KIF13A: variants seen among roughly 807,000 people sequenced by gnomAD.
KIF13A encodes the protein kinesin family member 13A, also known as kinesin-like protein KIF13A.
A neutral mutation model predicts 212.2 loss-of-function variants in KIF13A; 79 were observed. The observed-to-expected ratio is 0.37, with a 90% confidence interval of 0.31 to 0.45. KIF13A has a LOEUF of 0.45. KIF13A is among the 20% of genes least tolerant of loss of function. KIF13A has a pLI of 1.00. For synonymous variants in KIF13A, 789 were observed against 808.6 expected (o/e 0.98, Z 0.41); for missense variants, 1,901 against 2,209.0 (o/e 0.86, Z 2.79).
chr6:17,904,823 C>T (rs957454890), intron 2 of KIF13A, among the ~76,000 whole-genome samples: 2 of 152,336 alleles, frequency 1.3e-5, no homozygotes, highest in Admixed American at 6.5e-5. Context: ...TCTTCTGAAC[C>T]AGAAATTTCT....
Position 17,874,306 on chromosome 6 carries a change from G to T in KIF13A, c.160-869C>A, listed in dbSNP as rs200022541. ...TTGTTTTTTGGTGGTGGTGGGGGGGGTTCTTACTGTATTTTTAATATACAA... is the reference window on the plus strand; with the variant it reads ...TTGTTTTTTGGTGGTGGTGGGGGGGTTTCTTACTGTATTTTTAATATACAA... On this transcript the variant is annotated intron_variant, in intron 3 of 38. Coordinates refer to ENST00000259711, the MANE Select transcript of KIF13A (RefSeq NM_022113.6). Among the ~76,000 whole-genome samples the T allele has an allele frequency of 1.1e-3, 157 of 142,704 alleles. 3 individuals carry two copies. Among genetic ancestry groups the T allele is most frequent in the Non-Finnish European group, 2.1e-4 (14 of 65,426 alleles). 93.6% of individuals were successfully genotyped at this position (142,704 alleles called of 152,430 possible). A position where few individuals can be genotyped will look rare whatever the true frequency, so the allele number is the denominator to read the frequency against.
rs1034979175 is a variant in KIF13A, at chr6:17,918,655, G to A, written c.147-20475C>T. ...CTACAGGTAAGAGAAGTATCACTTGGAATTGAAAGCACTCCCATCCCCAGG... is the reference window on the plus strand; with the variant it reads ...CTACAGGTAAGAGAAGTATCACTTGAAATTGAAAGCACTCCCATCCCCAGG... On this transcript the variant is annotated intron_variant, in intron 2 of 38. Transcript: ENST00000259711. The surrounding 1 kb of genome is among the most constrained non-coding windows in gnomAD (Gnocchi z 4.8). Among the ~76,000 whole-genome samples, 1 of 152,062 alleles carries A rather than the reference G, an allele frequency of 6.6e-6. No individual in the cohort carries two copies. The highest frequency in any genetic ancestry group is 1.5e-5 in the Non-Finnish European group (1 of 67,994).
At position 17,800,182 on chromosome 6, in the gene KIF13A, C is replaced by T. The variant is rs926606800; in HGVS notation, c.2455-69G>A. 12 of 1,474,064 alleles carry T rather than the reference C, an allele frequency of 8.1e-6. No homozygotes were observed. The South Asian group carries it at 1.3e-4, about 16-fold the overall frequency. 91.3% of individuals were successfully genotyped at this position (1,474,064 alleles called of 1,614,324 possible). A position where few individuals can be genotyped will look rare whatever the true frequency, so the allele number is the denominator to read the frequency against. ...GTGGGCAACCTCGACCCAAGACAGA[C>T]GTGCCTTCTACAGTGAACCTGGAGA... On this transcript the variant is annotated intron_variant, in intron 20 of 38. Coordinates refer to ENST00000259711, the MANE Select transcript of KIF13A (RefSeq NM_022113.6).
intron 2 of KIF13A, among the ~76,000 whole-genome samples, chr6:17,903,696 A>T (rs1380452002): frequency 6.6e-6 from 1 of 152,234 alleles, no homozygotes; most frequent in Non-Finnish European, 1.5e-5. Flanking sequence ...CTTCAAAGAC[A>T]GGGAAGACTG....
At chr6:17,878,893 T>C (rs1770810212) in intron 3 of KIF13A, among the ~76,000 whole-genome samples, 1 of 152,202 alleles carries the variant, frequency 6.6e-6, no homozygotes, top group Admixed American at 6.5e-5. Flanking sequence ...GTTCTTTGCT[T>C]GCCAAAGAGC....
At chr6:17,841,948 TACAC>T (rs56160237) in intron 9 of KIF13A, among the ~76,000 whole-genome samples, 1 of 150,770 alleles carries the variant, frequency 6.6e-6, no homozygotes, top group Non-Finnish European at 1.5e-5. Flanking sequence ...TGTGTCTACA[TACAC>T]ACACACACAT....
chr6:17,787,015 C>A lies in KIF13A; in HGVS notation c.3361+761G>T, dbSNP rs1369755029. On this transcript the variant is annotated intron_variant, in intron 27 of 38. Coordinates refer to ENST00000259711, the MANE Select transcript of KIF13A (RefSeq NM_022113.6). This position sits in a 1 kb window ranked among gnomAD's most constrained non-coding sequence, Gnocchi z 4.6. ...GCATAAGCAAACTGCACCCTTGGAG[C>A]TGAGTGGCAGTGAATAGAGTTGTAG... Among the ~76,000 whole-genome samples, 2 of 152,176 alleles carry A rather than the reference C, an allele frequency of 1.3e-5. No individual in the cohort carries two copies. The highest frequency in any genetic ancestry group is 2.9e-5 in the Non-Finnish European group (2 of 68,036).
At position 17,918,973 on chromosome 6, in the gene KIF13A, C is replaced by G. The variant is rs1774792749; in HGVS notation, c.147-20793G>C. Among the ~76,000 whole-genome samples the G allele has an allele frequency of 2.0e-5, 3 of 152,332 alleles. No individual in the cohort carries two copies. Among genetic ancestry groups the G allele is most frequent in the African/African-American group, 7.2e-5 (3 of 41,568 alleles). Reference sequence around the variant, plus strand: ...AGAGAGGCTTTGTCTATCTTGTTCTCTGATACATTCCCAGTGCCTACAGGG... The same window carrying G: ...AGAGAGGCTTTGTCTATCTTGTTCTGTGATACATTCCCAGTGCCTACAGGG... On this transcript the variant is annotated intron_variant, in intron 2 of 38. Coordinates refer to ENST00000259711, the MANE Select transcript of KIF13A (RefSeq NM_022113.6). The surrounding 1 kb of genome is among the most constrained non-coding windows in gnomAD (Gnocchi z 4.8).
Position 17,783,601 on chromosome 6 carries a change from CTTAG to C in KIF13A, c.3544+41_3544+44del, listed in dbSNP as rs1561967326. 8.2e-7 allele frequency: 1 copy of C among 1,226,768 alleles called. No individual in the cohort carries two copies. The highest frequency in any genetic ancestry group is 1.2e-6 in the Non-Finnish European group (1 of 849,898). 76.0% of individuals were successfully genotyped at this position (1,226,768 alleles called of 1,614,324 possible). A position where few individuals can be genotyped will look rare whatever the true frequency, so the allele number is the denominator to read the frequency against. On this transcript the variant is annotated intron_variant, in intron 29 of 38. Coordinates refer to ENST00000259711, the MANE Select transcript of KIF13A (RefSeq NM_022113.6). The surrounding 1 kb of genome is among the most constrained non-coding windows in gnomAD (Gnocchi z 4.3). ...ATGTGAATCTGGATAGATTACAAAC[CTTAG>C]TTAAATACAATAATCCCTGTGACTT...
In KIF13A at chr6:17,834,039, G is replaced by A. The variant is rs780169410; in HGVS notation, c.1188C>T (p.Leu396=). The A allele has an allele frequency of 6.3e-6, 10 of 1,598,822 alleles. No individual in the cohort carries two copies. The highest frequency in any genetic ancestry group is 1.1e-5 in the South Asian group (1 of 87,608). The change falls in exon 12 of 39, where the codon CTC becomes CTT. Residue 396 remains leucine, a synonymous_variant. Transcript: ENST00000259711. The surrounding 1 kb of genome is among the most constrained non-coding windows in gnomAD (Gnocchi z 4.0). ...AMKAPELKEK[L]EESEKLIKEL... The stretch of plus-strand genomic sequence containing the variant: ...CTTTTATCAGCTTTTCAGACTCTTC[G>A]AGCTTCTCCTTCAGTTCAGGGGCCT...
rs34369336 is a variant in KIF13A, at chr6:17,887,860, ATT to A, written c.159+10306_159+10307del. 2.6e-3 allele frequency among the ~76,000 whole-genome samples: 353 copies of A among 136,988 alleles called. 1 individual carries two copies. Among genetic ancestry groups the A allele is most frequent in the African/African-American group, 8.5e-3 (316 of 37,348 alleles). The allele number at this position is 136,988 out of a possible 152,430, so 89.9% of individuals were successfully genotyped here. Reference sequence around the variant, plus strand: ...AGGCACCCACCACCATGTCCAGCTAATTTTTTTTTTTTTTTTTGTATTTTTAG... The same window carrying A: ...AGGCACCCACCACCATGTCCAGCTAATTTTTTTTTTTTTTTGTATTTTTAG... On this transcript the variant is annotated intron_variant, in intron 3 of 38. Coordinates refer to ENST00000259711, the MANE Select transcript of KIF13A (RefSeq NM_022113.6).
chr6:17,952,433 G>C (rs1777942818), intron 2 of KIF13A, among the ~76,000 whole-genome samples: 1 of 151,894 alleles, frequency 6.6e-6, no homozygotes, highest in Non-Finnish European at 1.5e-5. Flanking sequence ...AGGAGTTTGA[G>C]ACCAGGCTGG....
rs906906010 is a variant in KIF13A at position 17,790,207 on chromosome 6, G to A, written c.3223-297C>T. Among the ~76,000 whole-genome samples the A allele has an allele frequency of 3.3e-5, 5 of 152,220 alleles. No individual in the cohort carries two copies. The East Asian group carries it at 5.8e-4, about 18-fold the overall frequency. Reference sequence around the variant, plus strand: ...TCTTGAAGCTAGAAGTTTGAGACCCGCCTGGGCAACAATAGCAAGACCCCA... The same window carrying A: ...TCTTGAAGCTAGAAGTTTGAGACCCACCTGGGCAACAATAGCAAGACCCCA... On this transcript the variant is annotated intron_variant, in intron 25 of 38. Transcript: ENST00000259711.
intron 18 of KIF13A, 28 bp from the exon 19 acceptor site, chr6:17,805,643 C>A (rs965113143): frequency 6.4e-7 from 1 of 1,565,782 alleles, no homozygotes; most frequent in Non-Finnish European, 8.7e-7. Context: ...ACAAAACAAA[C>A]CCTGTTATAA....
rs2150482295 is a variant in KIF13A, at chr6:17,898,247, C to A, written c.147-67G>T. 3 of 1,450,730 alleles carry A rather than the reference C, an allele frequency of 2.1e-6. No homozygotes were observed. The highest frequency in any genetic ancestry group is 3.5e-4 in the Middle Eastern group (2 of 5,690). The allele number at this position is 1,450,730 out of a possible 1,614,324, so 89.9% of individuals were successfully genotyped here. On this transcript the variant is annotated intron_variant, in intron 2 of 38. Coordinates refer to ENST00000259711, the MANE Select transcript of KIF13A (RefSeq NM_022113.6). The surrounding 1 kb of genome is among the most constrained non-coding windows in gnomAD (Gnocchi z 5.2). ...AGGGTTGTCAACACAGCAGCCACAT[C>A]AGAGGGAAACAATGAAAGAGAAAAA...
In KIF13A at chr6:17,895,822, G is replaced by A. The variant is rs1436776729; in HGVS notation, c.159+2346C>T. ...TTATCTCCAGTGCCTTCAAGCACAA[G>A]TTTTTAATATTTTGTCCAGTCCTAG... is the stretch of plus-strand genomic sequence containing the variant. On this transcript the variant is annotated intron_variant, in intron 3 of 38. Coordinates refer to ENST00000259711, the MANE Select transcript of KIF13A (RefSeq NM_022113.6). This position sits in a 1 kb window ranked among gnomAD's most constrained non-coding sequence, Gnocchi z 4.4. 6.6e-6 allele frequency among the ~76,000 whole-genome samples: 1 copy of A among 152,180 alleles called. No individual in the cohort carries two copies. The highest frequency in any genetic ancestry group is 1.5e-5 in the Non-Finnish European group (1 of 68,028).
chr6:17,784,623 G>T (rs1760892127), intron 28 of KIF13A, among the ~76,000 whole-genome samples: 1 of 152,146 alleles, frequency 6.6e-6, no homozygotes, highest in Non-Finnish European at 1.5e-5. Flanking sequence ...AAACACTCAA[G>T]ATGATCTGAA....
chr6:17,864,043 A>G (rs1440065721), intron 4 of KIF13A, among the ~76,000 whole-genome samples: 1 of 152,178 alleles, frequency 6.6e-6, no homozygotes, highest in Non-Finnish European at 1.5e-5. Context: ...ATGAGGTGCT[A>G]TTTGTCTAGG....
Position 17,837,238 on chromosome 6 carries a change from A to G in KIF13A, c.943-148T>C. 2 of 773,652 alleles carry G rather than the reference A, an allele frequency of 2.6e-6. 1 individual carries two copies. The highest frequency in any genetic ancestry group is 3.5e-5 in the South Asian group (2 of 56,934). 47.9% of individuals were successfully genotyped at this position (773,652 alleles called of 1,614,324 possible). On this transcript the variant is annotated intron_variant, in intron 10 of 38. Transcript: ENST00000259711. This position sits in a 1 kb window ranked among gnomAD's most constrained non-coding sequence, Gnocchi z 5.4. Reference sequence around the variant, plus strand: ...CTTGCATTTCACAAATAACGTCATGACAAGATGAAATGTGTCCTCTCTATA... The same window carrying G: ...CTTGCATTTCACAAATAACGTCATGGCAAGATGAAATGTGTCCTCTCTATA...
Sources: gnomAD v4.1 joint callset for allele counts (sites outside exome capture counted in the v4.1 genomes callset) on GRCh38, gnomAD v4.1.1 for gene constraint, Gnocchi (gnomAD v3.1) non-coding constraint, MANE v1.5 for transcripts, NCBI Gene and HGNC (gene_info 2026-07-23, HGNC 2026-07-21) for gene names.